Variants in SYT9 observed in about 807,000 individuals in gnomAD.
SYT9 encodes the protein synaptotagmin-9.
Under a neutral mutation model 48.4 loss-of-function variants are expected in SYT9, and 22 were observed. The ratio of observed to expected loss-of-function variants is 0.45; its 90% confidence interval spans 0.32 to 0.65. SYT9 has a LOEUF of 0.65. Among genes scored for constraint, SYT9 ranks in the 30% least tolerant of loss-of-function variants. The probability of loss-of-function intolerance (pLI) is 0.03; values close to 1 mark genes in which losing one functional copy is unlikely to be tolerated. For synonymous variants in SYT9, 265 were observed against 245.0 expected (o/e 1.08, Z -0.76); for missense variants, 577 against 622.0 (o/e 0.93, Z 0.77).
chr11:7,391,735 T>TAAAAAAAACAAAAAAAAAAAAAA (rs1846615360), intron 3 of SYT9, among the ~76,000 whole-genome samples: 1 of 35,940 alleles, frequency 2.8e-5, no homozygotes, highest in Non-Finnish European at 5.0e-5. Context: ...ACCCCATCTC[T>TAAAAAAAACAAAAAAAAAAAAAA]AAAAAAAAAA....
intron 1 of SYT9, among the ~76,000 whole-genome samples, chr11:7,286,300 C>T (rs1047544863): frequency 3.3e-5 from 5 of 152,264 alleles, no homozygotes; most frequent in South Asian, 2.1e-4. Flanking sequence ...AGGCTTGGGG[C>T]TGGCACCCTC....
Position 7,252,208 on chromosome 11 carries a change from C to G in SYT9, c.22C>G (p.Leu8Val), listed in dbSNP as rs964642461. MPGARDA[L>V]CHQALQLLAE... ...GGCGATGCCCGGGGCCAGGGACGCG[C>G]TCTGTCACCAGGCGCTGCAGCTGCT... The change falls in exon 1 of 7, where the codon CTC (leucine) becomes GTC (valine). Residue 8 changes from leucine (L) to valine (V), a missense_variant. Coordinates refer to ENST00000318881, the MANE Select transcript of SYT9 (RefSeq NM_175733.4). This position sits in a 1 kb window ranked among gnomAD's most constrained non-coding sequence, Gnocchi z 6.3. 6.8e-7 allele frequency: 1 copy of G among 1,475,756 alleles called. No homozygotes were observed. Among genetic ancestry groups the G allele is most frequent in the African/African-American group, 1.5e-5 (1 of 68,070 alleles). 91.4% of individuals were successfully genotyped at this position (1,475,756 alleles called of 1,614,324 possible).
chr11:7,355,715 G>C (rs1850008763), intron 3 of SYT9, among the ~76,000 whole-genome samples: 1 of 152,224 alleles, frequency 6.6e-6, no homozygotes. Context: ...TCACCTTAGA[G>C]ATCATCTGGT....
intron 6 of SYT9, among the ~76,000 whole-genome samples, chr11:7,431,285 T>A (rs1045732562): frequency 5.9e-5 from 9 of 152,210 alleles, no homozygotes; most frequent in Admixed American, 2.6e-4. Context: ...ATGAGAGTGA[T>A]GATCTAGAGT....
intron 2 of SYT9, among the ~76,000 whole-genome samples, chr11:7,307,723 A>T (rs144277009): frequency 1.3e-5 from 2 of 152,354 alleles, no homozygotes; most frequent in East Asian, 3.9e-4. Context: ...TTGGATGTAT[A>T]CAGGGGCCTG....
chr11:7,379,209 TG>T (rs1850511608), intron 3 of SYT9, among the ~76,000 whole-genome samples: 2 of 152,198 alleles, frequency 1.3e-5, no homozygotes, highest in Non-Finnish European at 2.9e-5. Context: ...TGACTAGACA[TG>T]CTCCCTGGGG....
chr11:7,352,290 G>A (rs541857780), intron 3 of SYT9, among the ~76,000 whole-genome samples: 17 of 152,258 alleles, frequency 1.1e-4, no homozygotes, highest in African/African-American at 3.4e-4. Context: ...TGATGTCTAG[G>A]CACATCAGAG....
At chr11:7,276,691 T>G (rs1235802860) in intron 1 of SYT9, among the ~76,000 whole-genome samples, 1 of 152,130 alleles carries the variant, frequency 6.6e-6, no homozygotes, top group Non-Finnish European at 1.5e-5. Context: ...AGCATCAGTT[T>G]TGGGGTCACC....
At chr11:7,456,992 A>G (rs187581258) in intron 6 of SYT9, 10 of 152,334 alleles carry the variant, frequency 6.6e-5, no homozygotes, top group African/African-American at 2.4e-4. Context: ...TCTCCCACTT[A>G]AAAATCCTTC....
Position 7,335,164 on chromosome 11 carries a change from A to G in SYT9, c.1044+21223A>G, listed in dbSNP as rs907089705. On this transcript the variant is annotated intron_variant, in intron 3 of 6. Coordinates refer to ENST00000318881, the MANE Select transcript of SYT9 (RefSeq NM_175733.4). ...TGGTAGAGTTGGTCTTTCATTTTAG[A>G]CATTCTAAGAGGTATGAAATAGAAT... 5.3e-5 allele frequency among the ~76,000 whole-genome samples: 8 copies of G among 152,330 alleles called. No homozygotes were observed. The Middle Eastern group carries it at 0.01, about 194-fold the overall frequency.
At position 7,416,065 on chromosome 11, in the gene SYT9, G is replaced by A. The variant is rs772732271; in HGVS notation, c.1068G>A (p.Leu356=). 6.2e-7 allele frequency: 1 copy of A among 1,614,184 alleles called. No homozygotes were observed. The highest frequency in any genetic ancestry group is 1.1e-5 in the South Asian group (1 of 91,082). Residue 356 remains leucine (L), a synonymous_variant, in exon 4 of 7, where the codon CTG becomes CTA. Transcript: ENST00000318881. ...AGGACAACGTGGATCTGGGAGAGCT[G>A]ATGTTTTCCCTGTGCTATCTTCCAA... ...VTNDNVDLGE[L]MFSLCYLPTA...
intron 3 of SYT9, among the ~76,000 whole-genome samples, chr11:7,348,230 G>T (rs1390319243): frequency 6.6e-6 from 1 of 152,054 alleles, no homozygotes; most frequent in East Asian, 1.9e-4. Flanking sequence ...TGAAAATCTT[G>T]TGTTGGTCCC....
intron 1 of SYT9, among the ~76,000 whole-genome samples, chr11:7,283,228 ATACT>A (rs891026625): frequency 2.0e-5 from 3 of 151,538 alleles, no homozygotes; most frequent in Admixed American, 2.0e-4. Flanking sequence ...GTTAAGCTGA[ATACT>A]TACTAAGAAG....
intron 6 of SYT9, among the ~76,000 whole-genome samples, chr11:7,463,548 C>A (rs1848270701): frequency 6.6e-6 from 1 of 152,188 alleles, no homozygotes; most frequent in Non-Finnish European, 1.5e-5. Context: ...ACAACTTTTT[C>A]AGAACTGACT....
chr11:7,325,203 A>G (rs1358918846), intron 3 of SYT9, among the ~76,000 whole-genome samples: 7 of 149,886 alleles, frequency 4.7e-5, no homozygotes, highest in African/African-American at 1.5e-4. Context: ...TACCTTGGGC[A>G]GTATGGCCAT....
intron 6 of SYT9, among the ~76,000 whole-genome samples, chr11:7,447,328 G>A (rs1419396544): frequency 6.6e-6 from 1 of 152,086 alleles, no homozygotes; most frequent in Non-Finnish European, 1.5e-5. Context: ...GCACACAGAG[G>A]CCTTCACAAC....
intron 5 of SYT9, among the ~76,000 whole-genome samples, chr11:7,419,254 G>T (rs1320838464): frequency 1.3e-5 from 2 of 152,214 alleles, no homozygotes; most frequent in African/African-American, 4.8e-5. Flanking sequence ...ATCTGATTAT[G>T]TGAGCTCTGC....
At position 7,302,927 on chromosome 11, in the gene SYT9, G is replaced by A. The variant is rs530828739; in HGVS notation, c.146-112G>A. On this transcript the variant is annotated intron_variant, in intron 1 of 6. Transcript: ENST00000318881. ...GCCATGCGCCCCAGCATGGCCTTCC[G>A]CAGTCGGCTCCCAAGGGATGAGTGG... The A allele has an allele frequency of 4.4e-4, 420 of 962,968 alleles. 1 individual carries two copies. The highest frequency in any genetic ancestry group is 4.1e-4 in the African/African-American group (25 of 61,472). 59.7% of individuals were successfully genotyped at this position (962,968 alleles called of 1,614,324 possible). A position where few individuals can be genotyped will look rare whatever the true frequency, so the allele number is the denominator to read the frequency against.
chr11:7,454,637 C>T (rs1251558091), intron 6 of SYT9, among the ~76,000 whole-genome samples: 28 of 152,324 alleles, frequency 1.8e-4, no homozygotes, highest in Admixed American at 1.4e-3. Context: ...CTACGGGGAA[C>T]ACATTTTACA....
Sources: gnomAD v4.1 joint callset for allele counts (sites outside exome capture counted in the v4.1 genomes callset) on GRCh38, gnomAD v4.1.1 for gene constraint, Gnocchi (gnomAD v3.1) non-coding constraint, MANE v1.5 for transcripts, NCBI Gene and HGNC (gene_info 2026-07-23, HGNC 2026-07-21) for gene names.